NEDD4L: variants seen among roughly 807,000 people sequenced by gnomAD.
NEDD4L encodes the protein E3 ubiquitin-protein ligase NEDD4-like.
Under a neutral mutation model 148.9 loss-of-function variants are expected in NEDD4L, and 54 were observed. That is an observed-to-expected ratio of 0.36 (90% CI 0.29 to 0.45). The LOEUF is 0.45. Ranked by LOEUF, NEDD4L falls within the 20% of genes least tolerant of loss-of-function variation. NEDD4L has a pLI of 1.00. For synonymous variants in NEDD4L, 433 were observed against 440.7 expected, an observed-to-expected ratio of 0.98 and a Z score of 0.22; for missense variants, 856 against 1,233.8, an observed-to-expected ratio of 0.69 and a Z score of 4.59.
chr18:58,121,279 C>A (rs547515746), intron 1 of NEDD4L, among the ~76,000 whole-genome samples: 1 of 152,176 alleles, frequency 6.6e-6, no homozygotes, highest in South Asian at 2.1e-4. Flanking sequence ...CCTGTTGGAG[C>A]AAATTACTCT....
intron 2 of NEDD4L, among the ~76,000 whole-genome samples, chr18:58,222,751 T>C (rs997627285): frequency 1.3e-5 from 2 of 152,238 alleles, no homozygotes; most frequent in African/African-American, 4.8e-5. Context: ...AATAAAAATG[T>C]ATCAACAATA....
At chr18:58,190,963 T>C (rs971530799) in intron 2 of NEDD4L, among the ~76,000 whole-genome samples, 1 of 152,090 alleles carries the variant, frequency 6.6e-6, no homozygotes, top group Non-Finnish European at 1.5e-5. Context: ...TTTAAAAGGT[T>C]AGCCAGACGT....
chr18:58,210,370 A>G (rs2042480511), intron 2 of NEDD4L, among the ~76,000 whole-genome samples: 1 of 152,258 alleles, frequency 6.6e-6, no homozygotes, highest in Non-Finnish European at 1.5e-5. Context: ...CAATTACTAT[A>G]GAAGAGATAG....
At chr18:58,389,213 C>G (rs1427517377) in intron 28 of NEDD4L, 21 bp downstream of exon 28, 3 of 1,570,376 alleles carry the variant, frequency 1.9e-6, no homozygotes, top group Non-Finnish European at 2.6e-6. Flanking sequence ...GGCCCAGCCC[C>G]AGCCGGTGTC....
intron 23 of NEDD4L, chr18:58,372,418 C>G (rs2047004459): frequency 6.6e-6 from 1 of 152,138 alleles, no homozygotes; most frequent in Admixed American, 6.6e-5. Context: ...CAAGCCCAGT[C>G]TAGAACATTC....
At chr18:58,294,551 C>T (rs2055264862) in intron 5 of NEDD4L, among the ~76,000 whole-genome samples, 1 of 152,060 alleles carries the variant, frequency 6.6e-6, no homozygotes, top group Non-Finnish European at 1.5e-5. Context: ...TCCACAAATA[C>T]TTGTTTTTCT....
chr18:58,176,044 A>G (rs1177851861), intron 2 of NEDD4L, among the ~76,000 whole-genome samples: 2 of 152,218 alleles, frequency 1.3e-5, no homozygotes, highest in Non-Finnish European at 2.9e-5. Context: ...ATCCGGAATC[A>G]CTGAGCAAAG....
At chr18:58,064,069 A>G (rs950753315) in intron 1 of NEDD4L, among the ~76,000 whole-genome samples, 1 of 144,030 alleles carries the variant, frequency 6.9e-6, no homozygotes, top group South Asian at 2.2e-4. Context: ...GGTTCATGCC[A>G]TTCTCCTGCC....
At chr18:58,074,054 C>T (rs535768560) in intron 1 of NEDD4L, among the ~76,000 whole-genome samples, 35 of 152,210 alleles carry the variant, frequency 2.3e-4, no homozygotes, top group African/African-American at 7.9e-4. Context: ...GTCTGCTTCC[C>T]TGTTCCTGGG....
chr18:58,219,684 G>A (rs980384386), intron 2 of NEDD4L, among the ~76,000 whole-genome samples: 2 of 152,046 alleles, frequency 1.3e-5, no homozygotes, highest in Admixed American at 6.5e-5. Context: ...ATTGGATTGG[G>A]ACCCACCTAC....
At chr18:58,101,206 T>C (rs1475537934) in intron 1 of NEDD4L, among the ~76,000 whole-genome samples, 1 of 152,170 alleles carries the variant, frequency 6.6e-6, no homozygotes, top group East Asian at 1.9e-4. Flanking sequence ...GAAATTTCAG[T>C]AGTCATCTGA....
intron 1 of NEDD4L, among the ~76,000 whole-genome samples, chr18:58,059,828 A>G (rs1210061803): frequency 6.6e-6 from 1 of 152,222 alleles, no homozygotes; most frequent in East Asian, 1.9e-4. Flanking sequence ...ACTAGCTTGA[A>G]TTAACCATTC....
At chr18:58,114,588 C>T (rs1189221180) in intron 1 of NEDD4L, among the ~76,000 whole-genome samples, 1 of 152,326 alleles carries the variant, frequency 6.6e-6, no homozygotes, top group South Asian at 2.1e-4. Context: ...TCTGGAGCAT[C>T]CCAGGTGGGG....
intron 1 of NEDD4L, among the ~76,000 whole-genome samples, chr18:58,088,171 G>A (rs1255658583): frequency 6.6e-6 from 1 of 152,250 alleles, no homozygotes; most frequent in Non-Finnish European, 1.5e-5. Context: ...CAGGACACAT[G>A]ATTCAGGAGA....
chr18:58,051,587 T>C (rs1456983573), intron 1 of NEDD4L, among the ~76,000 whole-genome samples: 1 of 152,244 alleles, frequency 6.6e-6, no homozygotes, highest in Admixed American at 6.5e-5. Context: ...AAATTTTTTA[T>C]TTTGAGTTAC....
At chr18:58,045,329 G>C (rs1026397273) in intron 1 of NEDD4L, 3 of 394,300 alleles carry the variant, frequency 7.6e-6, no homozygotes, top group African/African-American at 6.2e-5. Flanking sequence ...GCTGGTGGCA[G>C]GTGCTCCTGG....
In NEDD4L at chr18:58,373,190, A is replaced by C; in HGVS notation, c.2273A>C (p.Asn758Thr). The change falls in exon 24 of 31, where the codon AAC becomes ACC. Residue 758 changes from asparagine to threonine, a missense_variant. Asn to Thr is a moderately conservative substitution (Grantham distance 65). This residue lies in a region of NEDD4L where 286 missense variants were observed against 531.8 expected (regional missense o/e 0.54). Coordinates refer to ENST00000400345, the MANE Select transcript of NEDD4L (RefSeq NM_001144967.3). ...ATTCTGTAGGATAGTGAATATTACA[A>C]CTCTTTGAAATGGATCCTGGAGAAT... ...DMESVDSEYYNSLKWILENDP... is the reference protein window; with the variant it reads ...DMESVDSEYYTSLKWILENDP... The C allele has an allele frequency of 6.4e-7, 1 of 1,564,242 alleles. No homozygotes were observed. The highest frequency in any genetic ancestry group is 1.2e-5 in the South Asian group (1 of 85,136).
At chr18:58,088,120 G>T (rs1010209681) in intron 1 of NEDD4L, among the ~76,000 whole-genome samples, 1 of 152,224 alleles carries the variant, frequency 6.6e-6, no homozygotes, top group African/African-American at 2.4e-5. Flanking sequence ...CTTCTCTGAG[G>T]GGTGCGTGAA....
At chr18:58,324,564 T>C (rs2059140929) in intron 8 of NEDD4L, among the ~76,000 whole-genome samples, 1 of 152,204 alleles carries the variant, frequency 6.6e-6, no homozygotes, top group Non-Finnish European at 1.5e-5. Context: ...TCTTCCCTGC[T>C]CCCTTTACCT....
Sources: gnomAD v4.1 joint callset for allele counts (sites outside exome capture counted in the v4.1 genomes callset) on GRCh38, gnomAD v4.1.1 for gene constraint, gnomAD v4.1.1 regional missense constraint, MANE v1.5 for transcripts, NCBI Gene and HGNC (gene_info 2026-07-23, HGNC 2026-07-21) for gene names.